The following SH3BP4 variants were observed in gnomAD, a reference collection of about 807,000 sequenced individuals.
SH3BP4 encodes the protein SH3 domain-binding protein 4.
A neutral mutation model predicts 65.5 loss-of-function variants in SH3BP4; 33 were observed. That is an observed-to-expected ratio of 0.50 (90% confidence interval 0.38 to 0.67). The LOEUF is 0.67. SH3BP4 is among the 30% of genes least tolerant of loss of function. The pLI is 0.00. For missense variants in SH3BP4, 1,134 were observed against 1,261.4 expected (o/e 0.90, Z 1.53); for synonymous variants, 552 against 545.5 (o/e 1.01, Z -0.17).
intron 2 of SH3BP4, among the ~76,000 whole-genome samples, chr2:234,999,968 C>A (rs1694047748): frequency 6.6e-6 from 1 of 152,232 alleles, no homozygotes; most frequent in Non-Finnish European, 1.5e-5. Flanking sequence ...AGTTTCTGAG[C>A]ATCCAAGTCT....
chr2:235,050,895 C>T (rs1696028902), intron 4 of SH3BP4, among the ~76,000 whole-genome samples: 1 of 152,124 alleles, frequency 6.6e-6, no homozygotes, highest in Non-Finnish European at 1.5e-5. Flanking sequence ...ATGACAACCT[C>T]AGGTGCTGAA....
At chr2:234,955,201 G>T (rs929332459) in intron 1 of SH3BP4, among the ~76,000 whole-genome samples, 1 of 152,108 alleles carries the variant, frequency 6.6e-6, no homozygotes, top group Non-Finnish European at 1.5e-5. Flanking sequence ...ACTAAATAGA[G>T]TTCTCAGAGC....
chr2:235,045,226 C>T lies in SH3BP4; in HGVS notation c.2478+1979C>T, dbSNP rs1473523595. ...GAGACCACAGCCGTGGCTGTGCATG[C>T]TGTCGTGGAACCTGACAGCATTGCT... On this transcript the variant is annotated intron_variant, in intron 4 of 5. Transcript: ENST00000392011. This position sits in a 1 kb window ranked among gnomAD's most constrained non-coding sequence, Gnocchi z 4.3. 6.6e-6 allele frequency among the ~76,000 whole-genome samples: 1 copy of T among 152,176 alleles called. No homozygotes were observed. The highest frequency in any genetic ancestry group is 1.5e-5 in the Non-Finnish European group (1 of 68,032).
intron 2 of SH3BP4, among the ~76,000 whole-genome samples, chr2:235,002,063 G>A (rs1015916994): frequency 1.3e-5 from 2 of 151,814 alleles, no homozygotes; most frequent in East Asian, 1.9e-4. Context: ...GTTTCACCAC[G>A]TTGGCCAGGC....
chr2:235,006,958 C>T (rs116591812), intron 2 of SH3BP4, among the ~76,000 whole-genome samples: 60 of 152,276 alleles, frequency 3.9e-4, no homozygotes, highest in African/African-American at 1.3e-3. Context: ...TCCCCAAATC[C>T]ATTCCATTTC....
chr2:234,986,736 G>T (rs185266326), intron 1 of SH3BP4, among the ~76,000 whole-genome samples: 226 of 152,160 alleles, frequency 1.5e-3, no homozygotes, highest in Non-Finnish European at 6.8e-4. Context: ...TACCTCATAG[G>T]GTTGTGAAAA....
intron 2 of SH3BP4, among the ~76,000 whole-genome samples, chr2:235,028,702 C>T (rs879299748): frequency 1.8e-4 from 28 of 151,916 alleles, no homozygotes; most frequent in South Asian, 8.3e-4. Context: ...GTGTGTCTAG[C>T]GGTGGTAAAG....
At chr2:234,985,640 G>A (rs769842472) in intron 1 of SH3BP4, among the ~76,000 whole-genome samples, 2 of 152,144 alleles carry the variant, frequency 1.3e-5, no homozygotes, top group Non-Finnish European at 2.9e-5. Flanking sequence ...GACCCTCTGC[G>A]CACAGGTGTT....
intron 1 of SH3BP4, among the ~76,000 whole-genome samples, chr2:234,956,103 TA>T (rs1692580814): frequency 6.6e-6 from 1 of 152,164 alleles, no homozygotes; most frequent in South Asian, 2.1e-4. Flanking sequence ...ATGAAATCTT[TA>T]AAACATGTGA....
chr2:235,029,964 G>A (rs1178256931), intron 2 of SH3BP4, among the ~76,000 whole-genome samples: 1 of 152,214 alleles, frequency 6.6e-6, no homozygotes, highest in Non-Finnish European at 1.5e-5. Flanking sequence ...ATGCAGAGGT[G>A]GACGGTGTTG....
At chr2:235,053,168 T>A (rs1165248322) in intron 5 of SH3BP4, among the ~76,000 whole-genome samples, 2 of 152,202 alleles carry the variant, frequency 1.3e-5, no homozygotes, top group Admixed American at 6.5e-5. Context: ...TCAGAGGTCC[T>A]TTGTGTTCTC....
chr2:234,986,290 G>A (rs1693557728), intron 1 of SH3BP4, among the ~76,000 whole-genome samples: 1 of 152,208 alleles, frequency 6.6e-6, no homozygotes, highest in Admixed American at 6.5e-5. Context: ...GCCAGGATTT[G>A]AGTCCATATT....
chr2:235,030,379 G>A lies in SH3BP4; in HGVS notation c.-132-4492G>A, dbSNP rs185279790. Among the ~76,000 whole-genome samples, 1 of 152,182 alleles carries A rather than the reference G, an allele frequency of 6.6e-6. No homozygotes were observed. The highest frequency in any genetic ancestry group is 2.4e-5 in the African/African-American group (1 of 41,438). On this transcript the variant is annotated intron_variant, in intron 2 of 5. Transcript: ENST00000392011. The surrounding 1 kb of genome is among the most constrained non-coding windows in gnomAD (Gnocchi z 4.1). ...CAAGTTGCTTTAGTGATCTCTCCAA[G>A]CCCGTTTTCATGGAATCTGTAAAGT... is the stretch of plus-strand genomic sequence containing the variant.
At chr2:235,010,868 A>C (rs369825715) in intron 2 of SH3BP4, among the ~76,000 whole-genome samples, 5,625 of 44,960 alleles carry the variant, frequency 0.13, 1 homozygote, top group African/African-American at 0.26. Flanking sequence ...CCTAGGAGAA[A>C]CCTTCCTCCC....
At chr2:235,029,800 AGGCTCTGGGCCGTG>A (rs1695121560) in intron 2 of SH3BP4, among the ~76,000 whole-genome samples, 1 of 152,300 alleles carries the variant, frequency 6.6e-6, no homozygotes, top group South Asian at 2.1e-4. Context: ...GTCGGATCTG[AGGCTCTGGGCCGTG>A]GGCTCTGGGC....
At chr2:235,003,247 G>C (rs1403058896) in intron 2 of SH3BP4, among the ~76,000 whole-genome samples, 1 of 152,240 alleles carries the variant, frequency 6.6e-6, no homozygotes, top group Non-Finnish European at 1.5e-5. Flanking sequence ...CAGTACCCAA[G>C]GGCTGGAACC....
rs1055637298 is a variant in SH3BP4 at position 235,033,984 on chromosome 2, G to A, written c.-132-887G>A. Among the ~76,000 whole-genome samples, 1 of 152,132 alleles carries A rather than the reference G, an allele frequency of 6.6e-6. No homozygotes were observed. Among genetic ancestry groups the A allele is most frequent in the Non-Finnish European group, 1.5e-5 (1 of 68,014 alleles). ...CTCAGAGCTCTAAGTACTGTGGCCA[G>A]CTGTGAAAGTGTCTGCCAGTTTCTC... On this transcript the variant is annotated intron_variant, in intron 2 of 5. Transcript: ENST00000392011. This position sits in a 1 kb window ranked among gnomAD's most constrained non-coding sequence, Gnocchi z 5.7.
In SH3BP4 at chr2:235,053,938, C is replaced by A; in HGVS notation, c.*122C>A. On this transcript the variant is annotated 3_prime_UTR_variant, in exon 6 of 6. Transcript: ENST00000392011. Reference sequence around the variant, plus strand: ...GCTGCTCAGACAGATTTAGGGCCCGCCAGCTAGGCTACACCCATCATGCGC... The same window carrying A: ...GCTGCTCAGACAGATTTAGGGCCCGACAGCTAGGCTACACCCATCATGCGC... 1.3e-6 allele frequency: 1 copy of A among 750,634 alleles called. No individual in the cohort carries two copies. Among genetic ancestry groups the A allele is most frequent in the Non-Finnish European group, 2.2e-6 (1 of 451,234 alleles). The allele number at this position is 750,634 out of a possible 1,614,324, so 46.5% of individuals were successfully genotyped here.
Position 235,042,647 on chromosome 2 carries a change from CAAG to C in SH3BP4, c.1884_1886del (p.Lys628del). On this transcript the variant is annotated inframe_deletion, in exon 4 of 6. Transcript: ENST00000392011. The surrounding 1 kb of genome is among the most constrained non-coding windows in gnomAD (Gnocchi z 7.3). ...AGCCTTCCGGGCAAAGGAGGTTTCT[CAAG>C]AAGAACGAAGTCGGGAAAATCATCC... 1.9e-6 allele frequency: 3 copies of C among 1,614,144 alleles called. No individual in the cohort carries two copies. Among genetic ancestry groups the C allele is most frequent in the Non-Finnish European group, 2.5e-6 (3 of 1,180,024 alleles).
Sources: gnomAD v4.1 joint callset for allele counts (sites outside exome capture counted in the v4.1 genomes callset) on GRCh38, gnomAD v4.1.1 for gene constraint, Gnocchi (gnomAD v3.1) non-coding constraint, MANE v1.5 for transcripts, NCBI Gene and HGNC (gene_info 2026-07-23, HGNC 2026-07-21) for gene names.